The following RAD54L2 variants were observed in gnomAD, a reference collection of about 807,000 sequenced individuals.
The protein encoded by RAD54L2 is helicase ARIP4.
Under a neutral mutation model 138.4 loss-of-function variants are expected in RAD54L2, and 27 were observed. That is an observed-to-expected ratio of 0.20 (90% confidence interval 0.14 to 0.27). The LOEUF is 0.27. RAD54L2 is among the 10% of genes least tolerant of loss of function. RAD54L2 has a pLI of 1.00. For synonymous variants in RAD54L2, 644 were observed against 723.2 expected (o/e 0.89, Z 1.76); for missense variants, 1,396 against 1,890.2 (o/e 0.74, Z 4.85).
chr3:51,653,113 G>T (rs933667933), intron 19 of RAD54L2, among the ~76,000 whole-genome samples: 3 of 152,140 alleles, frequency 2.0e-5, no homozygotes, highest in African/African-American at 4.8e-5. Context: ...TCAAAAAGTG[G>T]TTAAAGGATA....
At chr3:51,614,384 G>C (rs1700399236) in intron 3 of RAD54L2, among the ~76,000 whole-genome samples, 1 of 151,692 alleles carries the variant, frequency 6.6e-6, no homozygotes, top group African/African-American at 2.4e-5. Context: ...GCCTGGTCTC[G>C]AACTCCTGAC....
chr3:51,659,078 A>T (rs1255734843), intron 21 of RAD54L2, among the ~76,000 whole-genome samples: 1 of 150,834 alleles, frequency 6.6e-6, no homozygotes, highest in Non-Finnish European at 1.5e-5. Flanking sequence ...TAAAGCTCTT[A>T]CAAAAACCAT....
intron 3 of RAD54L2, among the ~76,000 whole-genome samples, chr3:51,611,887 A>G (rs752056654): frequency 1.3e-5 from 2 of 152,014 alleles, no homozygotes; most frequent in African/African-American, 2.4e-5. Flanking sequence ...GTACTTTTGA[A>G]TGAGCTGCAG....
intron 3 of RAD54L2, chr3:51,611,523 G>A (rs1178076946): frequency 6.6e-6 from 1 of 151,478 alleles, no homozygotes; most frequent in African/African-American, 2.4e-5. Flanking sequence ...TTTCATCCTT[G>A]TCAAGGGGAG....
Position 51,646,273 on chromosome 3 carries a change from C to T in RAD54L2, c.2830-12C>T, listed in dbSNP as rs1237463461. The T allele has an allele frequency of 2.6e-6, 4 of 1,568,110 alleles. No individual in the cohort carries two copies. Among genetic ancestry groups the T allele is most frequent in the Non-Finnish European group, 1.7e-6 (2 of 1,156,810 alleles). Reference sequence around the variant, plus strand: ...TGTTGGTAACTAAATCAACATCCTCCTGTGTCCCCAGGAGCCTTTCGAGCA... The same window carrying T: ...TGTTGGTAACTAAATCAACATCCTCTTGTGTCCCCAGGAGCCTTTCGAGCA... On this transcript the variant is annotated splice_polypyrimidine_tract_variant and intron_variant, in intron 18 of 22. Transcript: ENST00000684192.
intron 3 of RAD54L2, among the ~76,000 whole-genome samples, chr3:51,624,811 G>A (rs1451481449): frequency 6.6e-6 from 1 of 152,142 alleles, no homozygotes; most frequent in Non-Finnish European, 1.5e-5. Flanking sequence ...GGGACCATAA[G>A]GAAACTGGAG....
chr3:51,643,031 CTTTT>C (rs1212581275), intron 15 of RAD54L2, among the ~76,000 whole-genome samples: 1 of 113,206 alleles, frequency 8.8e-6, no homozygotes, highest in Non-Finnish European at 1.7e-5. Context: ...TAACTGAAGT[CTTTT>C]TTTTTTTTTT....
chr3:51,572,212 G>T (rs1699352346), intron 2 of RAD54L2, among the ~76,000 whole-genome samples: 1 of 152,124 alleles, frequency 6.6e-6, no homozygotes, highest in African/African-American at 2.4e-5. Context: ...ACTTTGGGAG[G>T]CCGAGGTGGG....
intron 19 of RAD54L2, among the ~76,000 whole-genome samples, chr3:51,647,992 C>T (rs996423543): frequency 1.3e-5 from 2 of 152,156 alleles, no homozygotes; most frequent in African/African-American, 4.8e-5. Flanking sequence ...CAGGGTGGGG[C>T]ATCACGTCAC....
chr3:51,598,298 C>T (rs951896890), intron 3 of RAD54L2, among the ~76,000 whole-genome samples: 13 of 151,924 alleles, frequency 8.6e-5, no homozygotes, highest in African/African-American at 3.1e-4. Context: ...TCTCTCTGAC[C>T]TACTCCTGCC....
chr3:51,643,837 TA>T, intron 15 of RAD54L2, 37 bp from the exon 16 acceptor site: 2 of 1,478,692 alleles, frequency 1.4e-6, no homozygotes, highest in Non-Finnish European at 1.9e-6. Context: ...ATCCTTGCTC[TA>T]ATATATCCAC....
chr3:51,661,539 T>TA (rs1701774228), intron 22 of RAD54L2, among the ~76,000 whole-genome samples: 1 of 152,256 alleles, frequency 6.6e-6, no homozygotes, highest in African/African-American at 2.4e-5. Flanking sequence ...TCAAAGGGTA[T>TA]ATGTGTGGCA....
In RAD54L2 at chr3:51,645,544, GTTT is replaced by G. The variant is rs1701257310; in HGVS notation, c.2657-44_2657-42del. 3.3e-6 allele frequency: 5 copies of G among 1,530,164 alleles called. No individual in the cohort carries two copies. The East Asian group carries it at 1.1e-4, about 35-fold the overall frequency. The allele number at this position is 1,530,164 out of a possible 1,614,324, so 94.8% of individuals were successfully genotyped here. Reference sequence around the variant, plus strand: ...CTTTTCATTATTAGTGACCTTTACAGTTTTTAATGCCATGTGCTGACTTTCTTC... The same window carrying G: ...CTTTTCATTATTAGTGACCTTTACAGTTAATGCCATGTGCTGACTTTCTTC... On this transcript the variant is annotated intron_variant, in intron 17 of 22. Coordinates refer to ENST00000684192, the MANE Select transcript of RAD54L2 (RefSeq NM_015106.4). The surrounding 1 kb of genome is among the most constrained non-coding windows in gnomAD (Gnocchi z 6.1).
rs764889803 is a variant in RAD54L2, at chr3:51,645,682, C to G, written c.2748C>G (p.Pro916=). 1 of 1,612,508 alleles carries G rather than the reference C, an allele frequency of 6.2e-7. No individual in the cohort carries two copies. The highest frequency in any genetic ancestry group is 8.5e-7 in the Non-Finnish European group (1 of 1,179,362). Residue 916 remains proline, a synonymous_variant, in exon 18 of 23, where the codon CCC becomes CCG. Transcript: ENST00000684192. This position sits in a 1 kb window ranked among gnomAD's most constrained non-coding sequence, Gnocchi z 6.1. ...LLHFVEKEPA[P]QVSLNVKGIK... ...ACTTTGTTGAGAAGGAGCCAGCTCC[C>G]CAAGTTTCCTTGAACGTAAAGGGGA...
Position 51,646,470 on chromosome 3 carries a change from C to T in RAD54L2, c.3015C>T (p.Ser1005=). The T allele has an allele frequency of 6.2e-7, 1 of 1,607,136 alleles. No individual in the cohort carries two copies. Among genetic ancestry groups the T allele is most frequent in the South Asian group, 1.1e-5 (1 of 90,434 alleles). ...DQSLTSIPAF[S]QRNWQPTLKG... is the part of the protein sequence containing the mutation. ...GCCTGACCAGCATCCCCGCCTTCAGCCAGAGAAACTGGTGAGTTGCTGAAA... is the reference window on the plus strand; with the variant it reads ...GCCTGACCAGCATCCCCGCCTTCAGTCAGAGAAACTGGTGAGTTGCTGAAA... The change falls in exon 19 of 23, where the codon AGC becomes AGT. Residue 1005 remains serine, a synonymous_variant. Coordinates refer to ENST00000684192, the MANE Select transcript of RAD54L2 (RefSeq NM_015106.4).
intron 2 of RAD54L2, among the ~76,000 whole-genome samples, chr3:51,580,026 A>G (rs1372633068): frequency 6.6e-6 from 1 of 152,142 alleles, no homozygotes; most frequent in Non-Finnish European, 1.5e-5. Context: ...GATGTTCAAC[A>G]GTATTCAATT....
chr3:51,635,765 G>C lies in RAD54L2; in HGVS notation c.1315G>C (p.Asp439His). 2 of 1,611,588 alleles carry C rather than the reference G, an allele frequency of 1.2e-6. No homozygotes were observed. The highest frequency in any genetic ancestry group is 2.2e-5 in the South Asian group (2 of 90,422). ...HPVIIDLDEE[D>H]RQQEFRREFE... Reference sequence around the variant, plus strand: ...AGTCATCATTGATCTAGATGAGGAAGATCGGCAGCAGGAGTTTCGGAGAGG... The same window carrying C: ...AGTCATCATTGATCTAGATGAGGAACATCGGCAGCAGGAGTTTCGGAGAGG... Residue 439 changes from aspartate to histidine, a missense_variant, in exon 10 of 23, where the codon GAT (aspartate) becomes CAT (histidine). Coordinates refer to ENST00000684192, the MANE Select transcript of RAD54L2 (RefSeq NM_015106.4).
chr3:51,542,937 T>C (rs1368464551), intron 2 of RAD54L2, among the ~76,000 whole-genome samples: 1 of 152,170 alleles, frequency 6.6e-6, no homozygotes, highest in East Asian at 1.9e-4. Context: ...CACTAAAGTA[T>C]ACCAGGCAGC....
intron 2 of RAD54L2, among the ~76,000 whole-genome samples, chr3:51,554,725 C>T (rs1698923067): frequency 6.6e-6 from 1 of 152,176 alleles, no homozygotes; most frequent in Non-Finnish European, 1.5e-5. Context: ...ACCTGAGAGT[C>T]TAGTACCTTT....
Sources: allele counts gnomAD v4.1 joint callset (sites outside exome capture counted in the v4.1 genomes callset), GRCh38; gene constraint gnomAD v4.1.1; non-coding constraint Gnocchi (gnomAD v3.1); transcripts MANE v1.5; gene names NCBI Gene and HGNC (gene_info 2026-07-23, HGNC 2026-07-21).